The following ST14 variants were observed in gnomAD, a reference collection of about 807,000 sequenced individuals.
The protein encoded by ST14 is suppressor of tumorigenicity 14 protein.
Under a neutral mutation model 96.5 loss-of-function variants are expected in ST14, and 40 were observed. That is an observed-to-expected ratio of 0.41 (90% CI 0.32 to 0.54). ST14 has a LOEUF of 0.54. ST14 is among the 20% of genes least tolerant of loss of function. The pLI, the probability that ST14 is intolerant of heterozygous loss-of-function variation, is 0.17. For missense variants in ST14, 1,066 were observed against 1,188.9 expected (o/e 0.90, Z 1.52); for synonymous variants, 506 against 492.1 (o/e 1.03, Z -0.37).
chr11:130,198,534 T>C lies in ST14; in HGVS notation c.1597T>C (p.Ser533Pro), dbSNP rs779368102. 5 of 1,613,928 alleles carry C rather than the reference T, an allele frequency of 3.1e-6. No individual in the cohort carries two copies. In the Admixed American group the frequency reaches 6.7e-5, roughly 22 times the overall value. The change falls in exon 14 of 19, where the codon TCC becomes CCC. Residue 533 changes from serine to proline, a missense_variant. Transcript: ENST00000278742. ...TTGTCCGGCCCAGACCTTCAGGTGT[T>C]CCAATGGGAAGTGCCTCTCGAAAAG... The part of the protein sequence containing the change: ...CSCPAQTFRC[S>P]NGKCLSKSQQ...
chr11:130,209,514 C>T lies in ST14; in HGVS notation c.2342C>T (p.Pro781Leu), dbSNP rs750781894. 1.2e-5 allele frequency: 19 copies of T among 1,583,418 alleles called. No individual in the cohort carries two copies. The highest frequency in any genetic ancestry group is 1.8e-5 in the Admixed American group (1 of 54,938). The change falls in exon 18 of 19, where the codon CCG becomes CTG. Residue 781 changes from proline to leucine, a missense_variant. Coordinates refer to ENST00000278742, the MANE Select transcript of ST14 (RefSeq NM_021978.4). ...CAGACCACCTGCGAGAACCTCCTGC[C>T]GCAGCAGATCACGCCGCGCATGATG... ...INQTTCENLLPQQITPRMMCV... is the reference protein window; with the variant it reads ...INQTTCENLLLQQITPRMMCV...
intron 16 of ST14, among the ~76,000 whole-genome samples, chr11:130,202,710 C>T (rs1302516148): frequency 3.3e-5 from 5 of 152,194 alleles, no homozygotes; most frequent in Non-Finnish European, 7.3e-5. Flanking sequence ...GGCGGCATCA[C>T]GTTGCGGTTA....
chr11:130,186,897 GTGTGTTTC>G (rs1953243092), intron 1 of ST14, among the ~76,000 whole-genome samples: 1 of 152,182 alleles, frequency 6.6e-6, no homozygotes, highest in Admixed American at 6.5e-5. Context: ...GCCGTCTGGG[GTGTGTTTC>G]TGTGTGTGAT....
chr11:130,193,338 A>G (rs150084104), intron 7 of ST14, among the ~76,000 whole-genome samples: 2 of 152,238 alleles, frequency 1.3e-5, no homozygotes, highest in East Asian at 1.9e-4. Context: ...TGACCTCCCA[A>G]CAGGCTGGGA....
At chr11:130,209,334 A>G in intron 17 of ST14, 108 bp from the exon 18 acceptor site, 2 of 1,440,430 alleles carry the variant, frequency 1.4e-6, no homozygotes, top group Non-Finnish European at 1.9e-6. Context: ...AGCCCCGGGC[A>G]TCTGGGCTGT....
In ST14 at chr11:130,209,705, G is replaced by A. The variant is rs1953530971; in HGVS notation, c.2450G>A (p.Arg817Gln). The A allele has an allele frequency of 3.1e-6, 5 of 1,613,808 alleles. No homozygotes were observed. In the East Asian group the frequency reaches 1.1e-4, roughly 36 times the overall value. ...GPLSSVEADG[R>Q]IFQAGVVSWG... The stretch of plus-strand genomic sequence containing the variant: ...CTGTCCAGCGTGGAGGCGGATGGGC[G>A]GATCTTCCAGGCCGGTGTGGTGAGC... The change falls in exon 19 of 19, where the codon CGG (arginine) becomes CAG (glutamine). Residue 817 changes from arginine (R) to glutamine (Q), a missense_variant. Arg to Gln is a conservative substitution (Grantham distance 43). Transcript: ENST00000278742.
intron 1 of ST14, among the ~76,000 whole-genome samples, chr11:130,166,282 G>C (rs1232435516): frequency 1.3e-5 from 2 of 152,166 alleles, no homozygotes; most frequent in South Asian, 4.1e-4. Context: ...GGTTCAATGT[G>C]TCTAGTTGGT....
At chr11:130,184,595 T>C (rs1320828942) in intron 1 of ST14, among the ~76,000 whole-genome samples, 3 of 152,180 alleles carry the variant, frequency 2.0e-5, no homozygotes, top group African/African-American at 4.8e-5. Flanking sequence ...TCAGAAAAGA[T>C]TGGGCTCAAG....
intron 6 of ST14, 141 bp from the exon 7 acceptor site, chr11:130,190,313 C>A: frequency 6.7e-7 from 1 of 1,498,234 alleles, no homozygotes; most frequent in Non-Finnish European, 9.1e-7. Context: ...AGCCCCCTTC[C>A]TGATTTCCCG....
At chr11:130,206,990 T>A (rs1953496514) in intron 16 of ST14, among the ~76,000 whole-genome samples, 1 of 152,188 alleles carries the variant, frequency 6.6e-6, no homozygotes, top group Admixed American at 6.5e-5. Flanking sequence ...ATTCCACCTG[T>A]GTAGTAGTGT....
chr11:130,189,389 G>A (rs1057285934), intron 4 of ST14: 3 of 462,268 alleles, frequency 6.5e-6, no homozygotes, highest in African/African-American at 3.9e-5. Context: ...TGTGTGGCAG[G>A]TGGCATTCCC....
In ST14 at chr11:130,188,432, A is replaced by G; in HGVS notation, c.242-98A>G. 3 of 1,603,988 alleles carry G rather than the reference A, an allele frequency of 1.9e-6. No individual in the cohort carries two copies. The highest frequency in any genetic ancestry group is 1.7e-5 in the Admixed American group (1 of 59,948). On this transcript the variant is annotated intron_variant, in intron 2 of 18. Coordinates refer to ENST00000278742, the MANE Select transcript of ST14 (RefSeq NM_021978.4). This position sits in a 1 kb window ranked among gnomAD's most constrained non-coding sequence, Gnocchi z 5.4. ...GATGGGAAGCAGTCAGGGCTGACCC[A>G]TGGCCCCCTCCTGGCATTCATTCCC... is the stretch of plus-strand genomic sequence containing the variant.
At chr11:130,162,293 G>A (rs1368681694) in intron 1 of ST14, among the ~76,000 whole-genome samples, 1 of 152,192 alleles carries the variant, frequency 6.6e-6, no homozygotes, top group African/African-American at 2.4e-5. Context: ...TCTGGGGATG[G>A]TGTGAGCCCT....
intron 17 of ST14, 27 bp from the exon 18 acceptor site, chr11:130,209,415 C>G: frequency 1.3e-6 from 2 of 1,567,360 alleles, no homozygotes; most frequent in Non-Finnish European, 1.7e-6. Context: ...CAGCCCGGCT[C>G]TCAGCCCCGT....
chr11:130,206,736 T>A (rs1274759491), intron 16 of ST14, among the ~76,000 whole-genome samples: 1 of 151,798 alleles, frequency 6.6e-6, no homozygotes, highest in Non-Finnish European at 1.5e-5. Context: ...CCTGGCTAAT[T>A]TTTGTGTTTT....
Position 130,188,676 on chromosome 11 carries a change from G to A in ST14, c.369+19G>A. 6.2e-7 allele frequency: 1 copy of A among 1,614,146 alleles called. No individual in the cohort carries two copies. Among genetic ancestry groups the A allele is most frequent in the Non-Finnish European group, 8.5e-7 (1 of 1,180,034 alleles). On this transcript the variant is annotated intron_variant, in intron 3 of 18. Transcript: ENST00000278742. This position sits in a 1 kb window ranked among gnomAD's most constrained non-coding sequence, Gnocchi z 5.4. ...GGACGCGGTGAGTGCAGCCTGCCCA[G>A]AGTCCTGCTGGGCTGTGTGCGCTGG...
At position 130,210,003 on chromosome 11, in the gene ST14, A is replaced by C. The variant is rs1953535664; in HGVS notation, c.*180A>C. 6.6e-6 allele frequency: 5 copies of C among 753,416 alleles called. No homozygotes were observed. Among genetic ancestry groups the C allele is most frequent in the Non-Finnish European group, 1.0e-5 (5 of 476,246 alleles). The allele number at this position is 753,416 out of a possible 1,614,324, so 46.7% of individuals were successfully genotyped here. Reference sequence around the variant, plus strand: ...AAACCTCTCGCTTCCTCAGCCTCCAAAGTGGAGCTGGGAGGTAGAAGGGGA... The same window carrying C: ...AAACCTCTCGCTTCCTCAGCCTCCACAGTGGAGCTGGGAGGTAGAAGGGGA... On this transcript the variant is annotated 3_prime_UTR_variant, in exon 19 of 19. Coordinates refer to ENST00000278742, the MANE Select transcript of ST14 (RefSeq NM_021978.4).
chr11:130,209,850 C>G lies in ST14; in HGVS notation c.*27C>G. 1 of 1,610,852 alleles carries G rather than the reference C, an allele frequency of 6.2e-7. No individual in the cohort carries two copies. The highest frequency in any genetic ancestry group is 2.2e-5 in the East Asian group (1 of 44,652). ...GGCCGGGGCCACCCAAATGTGTACA[C>G]CTGCGGGGCCACCCATCGTCCACCC... On this transcript the variant is annotated 3_prime_UTR_variant, in exon 19 of 19. Coordinates refer to ENST00000278742, the MANE Select transcript of ST14 (RefSeq NM_021978.4).
chr11:130,180,569 T>C (rs1452483477), intron 1 of ST14, among the ~76,000 whole-genome samples: 1 of 152,190 alleles, frequency 6.6e-6, no homozygotes, highest in Non-Finnish European at 1.5e-5. Context: ...TTTGGACTTG[T>C]TGGTCCCCAG....
Sources: gnomAD v4.1 joint callset for allele counts (sites outside exome capture counted in the v4.1 genomes callset) on GRCh38, gnomAD v4.1.1 for gene constraint, Gnocchi (gnomAD v3.1) non-coding constraint, MANE v1.5 for transcripts, NCBI Gene and HGNC (gene_info 2026-07-23, HGNC 2026-07-21) for gene names.